The following FMN2 variants were observed in gnomAD, a reference collection of about 807,000 sequenced individuals.
The protein encoded by FMN2 is formin-2.
A neutral mutation model predicts 142.3 loss-of-function variants in FMN2; 51 were observed. That is an observed-to-expected ratio of 0.36 (90% confidence interval 0.29 to 0.45). FMN2 has a LOEUF of 0.45. Ranked by LOEUF, FMN2 falls within the 20% of genes least tolerant of loss-of-function variation. FMN2 has a pLI of 1.00. For missense variants in FMN2, 1,936 were observed against 2,122.8 expected (o/e 0.91, Z 1.73); for synonymous variants, 882 against 869.8 (o/e 1.01, Z -0.25).
rs369715134 is a variant in FMN2 at position 240,333,922 on chromosome 1, G to C, written c.4620G>C (p.Ser1540=). ...NSRSLLSYIV[S]YYLRNFDEDA... is the part of the protein sequence containing the mutation. ...GAAGCCTTTTGTCATATATTGTTTC[G>C]TATTATCTCCGAAATTTTGATGAGG... The change falls in exon 12 of 18, where the codon TCG becomes TCC. Residue 1540 remains serine, a synonymous_variant. Transcript: ENST00000319653. The C allele has an allele frequency of 6.2e-7, 1 of 1,609,574 alleles. No homozygotes were observed. Among genetic ancestry groups the C allele is most frequent in the African/African-American group, 1.3e-5 (1 of 74,740 alleles).
At chr1:240,268,739 A>G (rs1422411707) in intron 7 of FMN2, among the ~76,000 whole-genome samples, 1 of 151,968 alleles carries the variant, frequency 6.6e-6, no homozygotes, top group Non-Finnish European at 1.5e-5. Flanking sequence ...GCTGATGGCC[A>G]TTCTAACAGG....
At chr1:240,440,351 C>T (rs1675568245) in intron 16 of FMN2, among the ~76,000 whole-genome samples, 1 of 152,194 alleles carries the variant, frequency 6.6e-6, no homozygotes, top group Admixed American at 6.6e-5. Context: ...AGAGTCCCAT[C>T]TAACACATGC....
At chr1:240,137,550 C>T (rs1452351185) in intron 2 of FMN2, among the ~76,000 whole-genome samples, 1 of 152,190 alleles carries the variant, frequency 6.6e-6, no homozygotes, top group Admixed American at 6.5e-5. Flanking sequence ...CTGAGCTTTT[C>T]TTTCTGTCTC....
chr1:240,227,845 T>C (rs1390398320), intron 6 of FMN2, among the ~76,000 whole-genome samples: 2 of 152,098 alleles, frequency 1.3e-5, no homozygotes, highest in Non-Finnish European at 2.9e-5. Context: ...AAGTTAACAA[T>C]TTTGAATCTA....
rs573632192 is a variant in FMN2 at position 240,325,338 on chromosome 1, G to A, written c.4216-3738G>A. 1.6e-4 allele frequency among the ~76,000 whole-genome samples: 14 copies of A among 87,798 alleles called. No individual in the cohort carries two copies. In the East Asian group the frequency reaches 4.0e-3, roughly 25 times the overall value. The allele number at this position is 87,798 out of a possible 152,430, so 57.6% of individuals were successfully genotyped here. ...AGCCTGGGTGACACGGTGAGACCCT[G>A]TCTCCAAAAAAAAAAAAAAAAAGAG... On this transcript the variant is annotated intron_variant, in intron 8 of 17. Coordinates refer to ENST00000319653, the MANE Select transcript of FMN2 (RefSeq NM_020066.5).
chr1:240,330,464 A>G (rs1558437130), intron 10 of FMN2, 139 bp from the exon 11 acceptor site: 3 of 806,886 alleles, frequency 3.7e-6, no homozygotes, highest in Non-Finnish European at 5.7e-6. Context: ...CTTAAAATAT[A>G]CCTAATAATT....
intron 6 of FMN2, among the ~76,000 whole-genome samples, chr1:240,221,450 G>A (rs1254050719): frequency 6.6e-6 from 1 of 152,038 alleles, no homozygotes; most frequent in African/African-American, 2.4e-5. Flanking sequence ...TTTTTGATTT[G>A]CATTTCTCTA....
intron 14 of FMN2, among the ~76,000 whole-genome samples, chr1:240,364,849 CA>C (rs1672609304): frequency 6.6e-6 from 1 of 152,180 alleles, no homozygotes; most frequent in Non-Finnish European, 1.5e-5. Flanking sequence ...GAATGACTGT[CA>C]ATTCAACACA....
chr1:240,429,875 T>G (rs571317960), intron 15 of FMN2, among the ~76,000 whole-genome samples: 24 of 136,376 alleles, frequency 1.8e-4, no homozygotes, highest in South Asian at 6.4e-4. Context: ...TCCTTTTTTG[T>G]TTTTTTTTGT....
At chr1:240,209,707 A>G (rs1046021899) in intron 5 of FMN2, among the ~76,000 whole-genome samples, 13 of 149,908 alleles carry the variant, frequency 8.7e-5, no homozygotes, top group Non-Finnish European at 1.3e-4. Context: ...GATTGAGACC[A>G]TCCTGGCTAA....
intron 4 of FMN2, among the ~76,000 whole-genome samples, chr1:240,205,456 C>CTTTTTTTTT (rs36115091): frequency 1.0e-5 from 1 of 97,476 alleles, no homozygotes; most frequent in African/African-American, 4.3e-5. Context: ...ATGCTCTTTC[C>CTTTTTTTTT]TTTTTTTTTT....
chr1:240,302,442 A>T lies in FMN2; in HGVS notation c.4215+7559A>T, dbSNP rs185253748. Among the ~76,000 whole-genome samples, 425 of 152,232 alleles carry T rather than the reference A, an allele frequency of 2.8e-3. 2 individuals are homozygous for T. Among genetic ancestry groups the T allele is most frequent in the South Asian group, 0.017 (82 of 4,832 alleles). ...AAAAGAGATAACAAGGCAACTCAAA[A>T]AAAGTAAACTGGTATGTCCAATAAA... On this transcript the variant is annotated intron_variant, in intron 8 of 17. Transcript: ENST00000319653.
At chr1:240,415,585 A>G (rs1404503887) in intron 15 of FMN2, among the ~76,000 whole-genome samples, 1 of 152,212 alleles carries the variant, frequency 6.6e-6, no homozygotes, top group African/African-American at 2.4e-5. Context: ...TCACATGTGT[A>G]TAATGATTCT....
At chr1:240,437,582 G>A (rs995043104) in intron 15 of FMN2, among the ~76,000 whole-genome samples, 3 of 152,236 alleles carry the variant, frequency 2.0e-5, no homozygotes, top group East Asian at 1.9e-4. Context: ...GATTACAGGC[G>A]TGAGCCACCG....
intron 7 of FMN2, among the ~76,000 whole-genome samples, chr1:240,278,322 A>G (rs541823631): frequency 1.9e-4 from 29 of 152,258 alleles, no homozygotes; most frequent in African/African-American, 6.3e-4. Flanking sequence ...CAAAGACATG[A>G]CGTGACTCTT....
intron 14 of FMN2, among the ~76,000 whole-genome samples, chr1:240,366,952 G>A (rs574436301): frequency 3.5e-4 from 54 of 152,290 alleles, no homozygotes; most frequent in Middle Eastern, 3.4e-3. Context: ...GCAAACCTAG[G>A]AGGTTTGCTG....
At chr1:240,138,550 T>C (rs1268747743) in intron 2 of FMN2, among the ~76,000 whole-genome samples, 1 of 150,082 alleles carries the variant, frequency 6.7e-6, no homozygotes, top group Non-Finnish European at 1.5e-5. Flanking sequence ...AAAAAAAAAA[T>C]ACAAACATTA....
chr1:240,416,792 T>C (rs1235896863), intron 15 of FMN2, among the ~76,000 whole-genome samples: 3 of 152,064 alleles, frequency 2.0e-5, no homozygotes. Flanking sequence ...TTAATTGGCT[T>C]TCTATTTCAC....
intron 16 of FMN2, among the ~76,000 whole-genome samples, chr1:240,445,885 T>C (rs1675791995): frequency 6.6e-6 from 1 of 152,026 alleles, no homozygotes; most frequent in Non-Finnish European, 1.5e-5. Flanking sequence ...GCAGTAAAGA[T>C]TGTGGAAAAT....
Sources: gnomAD v4.1 joint callset for allele counts (sites outside exome capture counted in the v4.1 genomes callset) on GRCh38, gnomAD v4.1.1 for gene constraint, MANE v1.5 for transcripts, NCBI Gene and HGNC (gene_info 2026-07-23, HGNC 2026-07-21) for gene names.